EXOC6B: variants seen among roughly 807,000 people sequenced by gnomAD.
EXOC6B encodes the protein exocyst complex component 6B.
EXOC6B carries 54 observed loss-of-function variants against 113.5 expected under a neutral mutation model. That is an observed-to-expected ratio of 0.48 (90% CI 0.38 to 0.60). The LOEUF (loss-of-function observed/expected upper bound fraction) is 0.60. Ranked by LOEUF, EXOC6B falls within the 20% of genes least tolerant of loss-of-function variation. The pLI is 0.00. For missense variants in EXOC6B, 797 were observed against 977.5 expected (o/e 0.82, Z 2.46); for synonymous variants, 357 against 339.0 (o/e 1.05, Z -0.58).
At chr2:72,695,962 T>C (rs1677842629) in intron 6 of EXOC6B, among the ~76,000 whole-genome samples, 1 of 152,132 alleles carries the variant, frequency 6.6e-6, no homozygotes. Flanking sequence ...GTTAGACCAA[T>C]GGCTCCGAAG....
intron 20 of EXOC6B, among the ~76,000 whole-genome samples, chr2:72,297,341 C>T (rs968318721): frequency 1.3e-5 from 2 of 151,590 alleles, no homozygotes; most frequent in Admixed American, 1.3e-4. Context: ...TTTCCTGTTC[C>T]TCTCCCTCCT....
Position 72,267,570 on chromosome 2 carries a change from G to A in EXOC6B, c.2196+67377C>T, listed in dbSNP as rs374487132. Among the ~76,000 whole-genome samples the A allele has an allele frequency of 1.1e-3, 166 of 152,232 alleles. 1 individual carries two copies. Among genetic ancestry groups the A allele is most frequent in the South Asian group, 5.0e-3 (24 of 4,822 alleles). On this transcript the variant is annotated intron_variant, in intron 20 of 21. Transcript: ENST00000272427. ...TGCTGGATTACATTTATTGATTTGC[G>A]TATATTGAACCAGCCTTGCATCCCA...
chr2:72,241,933 G>A (rs1682333729), intron 20 of EXOC6B, among the ~76,000 whole-genome samples: 1 of 152,156 alleles, frequency 6.6e-6, no homozygotes, highest in South Asian at 2.1e-4. Context: ...CTGGCCAGGT[G>A]TGGTGGCTCA....
intron 20 of EXOC6B, among the ~76,000 whole-genome samples, chr2:72,264,554 A>G (rs1315676817): frequency 6.6e-6 from 1 of 152,082 alleles, no homozygotes; most frequent in Non-Finnish European, 1.5e-5. Context: ...CTAGGTGACG[A>G]GCGAAATTCT....
chr2:72,820,553 C>A (rs979214610), intron 1 of EXOC6B, among the ~76,000 whole-genome samples: 2 of 152,032 alleles, frequency 1.3e-5, no homozygotes, highest in Non-Finnish European at 2.9e-5. Context: ...GAAAAACTTT[C>A]GCTGAAAACT....
intron 16 of EXOC6B, among the ~76,000 whole-genome samples, chr2:72,489,486 T>C (rs1454131575): frequency 6.6e-6 from 1 of 152,224 alleles, no homozygotes; most frequent in Non-Finnish European, 1.5e-5. Context: ...CTTAGACCTC[T>C]TAATAATAAC....
At chr2:72,788,519 T>C (rs1160611824) in intron 1 of EXOC6B, among the ~76,000 whole-genome samples, 1 of 152,180 alleles carries the variant, frequency 6.6e-6, no homozygotes, top group Non-Finnish European at 1.5e-5. Flanking sequence ...CAGCTGGGTC[T>C]GGTGCAGTGG....
rs76810605 is a variant in EXOC6B at position 72,380,711 on chromosome 2, G to A, written c.1981-841C>T. ...GATTACCTGAAAAAAATAATTAAGG[G>A]GATGCATTTTGTTTTCTTAGAAAAT... is the stretch of plus-strand genomic sequence containing the variant. On this transcript the variant is annotated intron_variant, in intron 18 of 21. Coordinates refer to ENST00000272427, the MANE Select transcript of EXOC6B (RefSeq NM_015189.3). 8.7e-3 allele frequency among the ~76,000 whole-genome samples: 1,318 copies of A among 151,902 alleles called. 23 individuals are homozygous for A. Among genetic ancestry groups the A allele is most frequent in the African/African-American group, 0.029 (1,198 of 41,418 alleles).
chr2:72,748,736 T>A (rs546004102), intron 1 of EXOC6B, among the ~76,000 whole-genome samples: 2 of 152,062 alleles, frequency 1.3e-5, no homozygotes, highest in East Asian at 3.9e-4. Context: ...GGAACCCCAA[T>A]GATGGCTATT....
At chr2:72,531,844 T>C (rs1702019376) in intron 8 of EXOC6B, among the ~76,000 whole-genome samples, 1 of 151,722 alleles carries the variant, frequency 6.6e-6, no homozygotes, top group African/African-American at 2.4e-5. Flanking sequence ...ATTAGCCAGG[T>C]GTGGTGGCAG....
chr2:72,526,091 A>G (rs2105736589), intron 8 of EXOC6B, among the ~76,000 whole-genome samples: 1 of 152,270 alleles, frequency 6.6e-6, no homozygotes, highest in South Asian at 2.1e-4. Context: ...CTGCTAAGGT[A>G]ATTCACAGTT....
chr2:72,778,824 G>A (rs201080660), intron 1 of EXOC6B, among the ~76,000 whole-genome samples: 4 of 152,000 alleles, frequency 2.6e-5, no homozygotes, highest in Admixed American at 6.6e-5. Flanking sequence ...TAAGATCACC[G>A]AGTTCCAAAA....
intron 11 of EXOC6B, among the ~76,000 whole-genome samples, chr2:72,512,359 G>GGAAGGAAGGAAGGAAA (rs1700965508): frequency 9.3e-5 from 1 of 10,768 alleles, no homozygotes; most frequent in African/African-American, 2.4e-4. Flanking sequence ...AAGGAAGGAA[G>GGAAGGAAGGAAGGAAA]GAAGGAAAGA....
chr2:72,637,244 C>T (rs1301154404), intron 6 of EXOC6B, among the ~76,000 whole-genome samples: 1 of 151,902 alleles, frequency 6.6e-6, no homozygotes, highest in East Asian at 1.9e-4. Flanking sequence ...TTCCAAAAAA[C>T]GCCAAAAGCA....
intron 20 of EXOC6B, among the ~76,000 whole-genome samples, chr2:72,196,058 T>C (rs774794101): frequency 6.6e-5 from 10 of 152,202 alleles, no homozygotes; most frequent in Non-Finnish European, 1.2e-4. Flanking sequence ...AGTAAATTTT[T>C]ATACACACAA....
intron 18 of EXOC6B, among the ~76,000 whole-genome samples, chr2:72,433,051 T>A (rs1300800582): frequency 6.6e-6 from 1 of 152,250 alleles, no homozygotes; most frequent in Non-Finnish European, 1.5e-5. Context: ...TGTCTTACAT[T>A]TAAGTCTTTA....
In EXOC6B at chr2:72,515,125, C is replaced by A; in HGVS notation, c.917G>T (p.Gly306Val). Residue 306 changes from glycine (G) to valine (V), a missense_variant and splice_region_variant, in exon 9 of 22, where the codon GGT becomes GTT. By Grantham distance (109) the Gly-to-Val change is moderately radical. Transcript: ENST00000272427. ...GTAATTCTCAAATGTTTCCCGGGCA[C>A]CCTGTAAATAAAGAAAAGAAAATGG... ...YRCLHIYSVLGARETFENYYR... is the reference protein window; with the variant it reads ...YRCLHIYSVLVARETFENYYR... 1 of 1,596,470 alleles carries A rather than the reference C, an allele frequency of 6.3e-7. No homozygotes were observed. The highest frequency in any genetic ancestry group is 8.5e-7 in the Non-Finnish European group (1 of 1,170,774).
intron 6 of EXOC6B, among the ~76,000 whole-genome samples, chr2:72,633,256 C>T (rs1672594658): frequency 6.6e-6 from 1 of 152,196 alleles, no homozygotes; most frequent in African/African-American, 2.4e-5. Flanking sequence ...ACCTCCTACC[C>T]CTATCCCAGG....
At chr2:72,460,037 T>G (rs925704852) in intron 18 of EXOC6B, among the ~76,000 whole-genome samples, 107 of 152,046 alleles carry the variant, frequency 7.0e-4, no homozygotes, top group African/African-American at 2.6e-3. Context: ...AACAGAGCCC[T>G]CAGAAATAAC....
Sources: allele counts gnomAD v4.1 joint callset (sites outside exome capture counted in the v4.1 genomes callset), GRCh38; gene constraint gnomAD v4.1.1; transcripts MANE v1.5; gene names NCBI Gene and HGNC (gene_info 2026-07-23, HGNC 2026-07-21).